The following FHOD3 variants were observed in gnomAD, a reference collection of about 807,000 sequenced individuals.
FHOD3 encodes formin homology 2 domain containing 3, also known as FH1/FH2 domain-containing protein 3.
FHOD3 carries 90 observed loss-of-function variants against 173.0 expected under a neutral mutation model. That is an observed-to-expected ratio of 0.52 (90% CI 0.44 to 0.62). The LOEUF is 0.62. FHOD3 is among the 20% of genes least tolerant of loss of function. The pLI is 0.00. For missense variants in FHOD3, 1,945 were observed against 2,034.7 expected (o/e 0.96, Z 0.85); for synonymous variants, 828 against 823.0 (o/e 1.01, Z -0.10).
intron 3 of FHOD3, among the ~76,000 whole-genome samples, chr18:36,385,456 G>A (rs1477203344): frequency 6.6e-5 from 10 of 152,076 alleles, no homozygotes; most frequent in African/African-American, 2.4e-4. Flanking sequence ...AAGTGTGGTG[G>A]TGAGATCTCG....
intron 14 of FHOD3, among the ~76,000 whole-genome samples, chr18:36,679,276 A>T (rs138737723): frequency 6.6e-6 from 1 of 152,090 alleles, no homozygotes; most frequent in African/African-American, 2.4e-5. Context: ...ATTCCTGAAT[A>T]TGCTCATTTA....
At chr18:36,368,065 G>A (rs1212275264) in intron 2 of FHOD3, among the ~76,000 whole-genome samples, 1 of 152,044 alleles carries the variant, frequency 6.6e-6, no homozygotes, top group African/African-American at 2.4e-5. Context: ...GTCTCAGGCA[G>A]TTCTTTAGAG....
chr18:36,661,303 C>A (rs937657543), intron 14 of FHOD3, among the ~76,000 whole-genome samples: 1 of 152,048 alleles, frequency 6.6e-6, no homozygotes, highest in Non-Finnish European at 1.5e-5. Flanking sequence ...TTCACCTATG[C>A]AAGTATTTTT....
At chr18:36,675,312 T>A (rs2037781230) in intron 14 of FHOD3, among the ~76,000 whole-genome samples, 1 of 152,176 alleles carries the variant, frequency 6.6e-6, no homozygotes, top group South Asian at 2.1e-4. Flanking sequence ...TGCTTCCTGC[T>A]GCCACCCCCT....
intron 27 of FHOD3, among the ~76,000 whole-genome samples, chr18:36,768,989 C>A (rs1169869551): frequency 6.6e-6 from 1 of 152,126 alleles, no homozygotes; most frequent in African/African-American, 2.4e-5. Context: ...TAATGAGAGA[C>A]AAGATACACA....
chr18:36,572,095 T>C (rs1599705316), intron 5 of FHOD3, among the ~76,000 whole-genome samples: 1 of 152,186 alleles, frequency 6.6e-6, no homozygotes, highest in East Asian at 1.9e-4. Flanking sequence ...ATAGATAGTA[T>C]GGTATAGCCG....
rs2037621868 is a variant in FHOD3 at position 36,672,885 on chromosome 18, T to TA, written c.1836-8547dup. Among the ~76,000 whole-genome samples, 7 of 152,214 alleles carry TA rather than the reference T, an allele frequency of 4.6e-5. No homozygotes were observed. In the South Asian group the frequency reaches 1.4e-3, roughly 32 times the overall value. On this transcript the variant is annotated intron_variant, in intron 14 of 28. Transcript: ENST00000590592. Reference sequence around the variant, plus strand: ...TATTTTGAATGGTTCTTAAGTGTTTTAAAAGTGAAACTAGTGTACTTCCTC... The same window carrying TA: ...TATTTTGAATGGTTCTTAAGTGTTTTAAAAAGTGAAACTAGTGTACTTCCTC...
chr18:36,566,137 G>C (rs533851607), intron 5 of FHOD3, among the ~76,000 whole-genome samples: 1 of 152,278 alleles, frequency 6.6e-6, no homozygotes, highest in African/African-American at 2.4e-5. Context: ...AGAGCTGTTT[G>C]TGCAAAAAGT....
At chr18:36,592,361 T>C (rs2059250537) in intron 6 of FHOD3, among the ~76,000 whole-genome samples, 1 of 152,248 alleles carries the variant, frequency 6.6e-6, no homozygotes, top group Non-Finnish European at 1.5e-5. Flanking sequence ...TCCAGGTGGC[T>C]TTCAGGCAGA....
At chr18:36,736,302 G>C (rs2041627323) in intron 20 of FHOD3, among the ~76,000 whole-genome samples, 1 of 152,248 alleles carries the variant, frequency 6.6e-6, no homozygotes, top group Non-Finnish European at 1.5e-5. Flanking sequence ...TGGCTTAAAT[G>C]TTAACTCAGT....
chr18:36,378,617 AG>A (rs2047575022), intron 3 of FHOD3, among the ~76,000 whole-genome samples: 1 of 136,602 alleles, frequency 7.3e-6, no homozygotes, highest in East Asian at 2.1e-4. Flanking sequence ...AAAAAAAAAG[AG>A]AGATGGGAAG....
intron 3 of FHOD3, among the ~76,000 whole-genome samples, chr18:36,406,226 A>G (rs2049059596): frequency 6.6e-6 from 1 of 152,142 alleles, no homozygotes; most frequent in African/African-American, 2.4e-5. Context: ...TCACACTGAT[A>G]TGGCATTGAA....
At chr18:36,612,137 C>G in intron 9 of FHOD3, 42 bp downstream of exon 9, 1 of 1,592,364 alleles carries the variant, frequency 6.3e-7, no homozygotes, top group Middle Eastern at 1.7e-4. Context: ...ACAGCTTTGG[C>G]AATTGTCAAA....
At chr18:36,729,216 C>T (rs2041228620) in intron 19 of FHOD3, among the ~76,000 whole-genome samples, 1 of 152,156 alleles carries the variant, frequency 6.6e-6, no homozygotes, top group African/African-American at 2.4e-5. Flanking sequence ...CTTTGTTACT[C>T]TAGACTTGTT....
chr18:36,740,024 T>C (rs978549353), intron 20 of FHOD3, among the ~76,000 whole-genome samples: 6 of 152,202 alleles, frequency 3.9e-5, no homozygotes, highest in African/African-American at 1.4e-4. Flanking sequence ...CTTTAAAAAA[T>C]GTAATCACAA....
At chr18:36,461,381 T>C (rs1252746603) in intron 3 of FHOD3, among the ~76,000 whole-genome samples, 1 of 152,050 alleles carries the variant, frequency 6.6e-6, no homozygotes, top group Non-Finnish European at 1.5e-5. Flanking sequence ...AGATTGTTAC[T>C]GGGAATAAAG....
chr18:36,650,786 G>A (rs2035994955), intron 11 of FHOD3, among the ~76,000 whole-genome samples: 1 of 152,158 alleles, frequency 6.6e-6, no homozygotes, highest in South Asian at 2.1e-4. Flanking sequence ...AATCTGGCTG[G>A]AAAAGGCGGC....
chr18:36,767,657 T>C (rs1033105949), intron 27 of FHOD3, among the ~76,000 whole-genome samples: 1 of 152,232 alleles, frequency 6.6e-6, no homozygotes, highest in Non-Finnish European at 1.5e-5. Flanking sequence ...CATTGTTCTA[T>C]AGCCACAGGT....
intron 5 of FHOD3, among the ~76,000 whole-genome samples, chr18:36,554,748 A>G (rs911619734): frequency 3.3e-5 from 5 of 152,156 alleles, no homozygotes; most frequent in Non-Finnish European, 7.4e-5. Flanking sequence ...TGCAAATTCT[A>G]TTTCTTTAAT....
Sources: gnomAD v4.1 joint callset for allele counts (sites outside exome capture counted in the v4.1 genomes callset) on GRCh38, gnomAD v4.1.1 for gene constraint, MANE v1.5 for transcripts, NCBI Gene and HGNC (gene_info 2026-07-23, HGNC 2026-07-21) for gene names.